The following KLKB1 variants were observed in gnomAD, a reference collection of about 807,000 sequenced individuals.
The protein encoded by KLKB1 is kallikrein B1.
Under a neutral mutation model 73.6 loss-of-function variants are expected in KLKB1, and 58 were observed. The ratio of observed to expected loss-of-function variants is 0.79; its 90% CI spans 0.64 to 0.98. KLKB1 has a LOEUF of 0.98. KLKB1 is among the 50% of genes least tolerant of loss of function. The pLI, the probability that KLKB1 is intolerant of heterozygous loss-of-function variation, is 0.00. For synonymous variants in KLKB1, 280 were observed against 258.1 expected (o/e 1.08, Z -0.81); for missense variants, 737 against 763.8 (o/e 0.96, Z 0.41).
At chr4:186,228,386 G>C (rs1912826) in intron 2 of KLKB1, 133 bp downstream of exon 2, 2 of 679,346 alleles carry the variant, frequency 2.9e-6, no homozygotes, top group African/African-American at 3.6e-5. Context: ...TTCAGGACAC[G>C]TGTCTATTTA....
At chr4:186,225,908 T>A (rs900052632), upstream of KLKB1, among the ~76,000 whole-genome samples, 2 of 152,200 alleles carry the variant, frequency 1.3e-5, no homozygotes, top group African/African-American at 4.8e-5. Context: ...CATATTAATT[T>A]TCTTAACAGT....
At chr4:186,229,655 T>C (rs1367934568) in intron 2 of KLKB1, among the ~76,000 whole-genome samples, 8 of 152,220 alleles carry the variant, frequency 5.3e-5, no homozygotes, top group Admixed American at 3.9e-4. Flanking sequence ...TACTCCATAG[T>C]TGACTTTTTC....
intron 6 of KLKB1, among the ~76,000 whole-genome samples, chr4:186,244,399 A>C (rs1399043061): frequency 1.3e-5 from 2 of 152,204 alleles, no homozygotes; most frequent in East Asian, 1.9e-4. Flanking sequence ...ATGTGTTTTC[A>C]TGAAGAATTA....
At chr4:186,241,957 G>A (rs1055188637) in intron 6 of KLKB1, among the ~76,000 whole-genome samples, 13 of 152,332 alleles carry the variant, frequency 8.5e-5, no homozygotes, top group South Asian at 4.1e-4. Context: ...TATATTTAAT[G>A]TCATGTGCGT....
chr4:186,255,693 C>A (rs1327421890), intron 12 of KLKB1, among the ~76,000 whole-genome samples: 2 of 152,164 alleles, frequency 1.3e-5, no homozygotes, highest in Non-Finnish European at 2.9e-5. Flanking sequence ...CCTGCTATGA[C>A]TATTAAGGAT....
At chr4:186,249,424 A>C (rs1171685074) in intron 6 of KLKB1, among the ~76,000 whole-genome samples, 1 of 152,188 alleles carries the variant, frequency 6.6e-6, no homozygotes, top group Non-Finnish European at 1.5e-5. Context: ...ATTGTCTATA[A>C]ATGTAAGAGT....
Position 186,254,707 on chromosome 4 carries a change from C to T in KLKB1, c.1433C>T (p.Ser478Leu). Reference protein sequence around the residue: ...EIIIHQNYKVSEGNHDIALIK... With the variant: ...EIIIHQNYKVLEGNHDIALIK... ...ATTATTCACCAAAACTATAAAGTCT[C>T]AGAAGGGAATCATGATATCGCCTTG... Residue 478 changes from serine (S) to leucine (L), a missense_variant, in exon 12 of 15, where the codon TCA becomes TTA. Coordinates refer to ENST00000264690, the MANE Select transcript of KLKB1 (RefSeq NM_000892.5). The T allele has an allele frequency of 6.2e-7, 1 of 1,613,824 alleles. No homozygotes were observed. Among genetic ancestry groups the T allele is most frequent in the Non-Finnish European group, 8.5e-7 (1 of 1,179,718 alleles).
In KLKB1 at chr4:186,251,219, A is replaced by T. The variant is rs1054571565; in HGVS notation, c.759A>T (p.Arg253Ser). The T allele has an allele frequency of 2.5e-6, 4 of 1,586,434 alleles. No homozygotes were observed. Among genetic ancestry groups the T allele is most frequent in the Non-Finnish European group, 3.5e-6 (4 of 1,156,396 alleles). The change falls in exon 8 of 15, where the codon AGA becomes AGT. Residue 253 changes from arginine to serine, a missense_variant and splice_region_variant. Physicochemically the swap from Arg to Ser is moderately radical, Grantham distance 110. Coordinates refer to ENST00000264690, the MANE Select transcript of KLKB1 (RefSeq NM_000892.5). Reference sequence around the variant, plus strand: ...TCTTGCTTTTTTTTAAAAAAAATAGAAATGTTTGTCTTCTTAAAACATCTG... The same window carrying T: ...TCTTGCTTTTTTTTAAAAAAAATAGTAATGTTTGTCTTCTTAAAACATCTG... ...YTNVWKIESQ[R>S]NVCLLKTSES...
Position 186,257,234 on chromosome 4 carries a change from C to CAA in KLKB1, c.1597_1598dup (p.Asn533LysfsTer7). 1 of 1,582,446 alleles carries CAA rather than the reference C, an allele frequency of 6.3e-7. No homozygotes were observed. The highest frequency in any genetic ancestry group is 8.6e-7 in the Non-Finnish European group (1 of 1,159,344). ...ATATTGGTTACTCACAGGTGAAATCCAAAATATTCTACAAAAGGTAAATAT... is the reference window on the plus strand; with the variant it reads ...ATATTGGTTACTCACAGGTGAAATCCAAAAAATATTCTACAAAAGGTAAATAT... On this transcript the variant is annotated frameshift_variant, in exon 14 of 15. Coordinates refer to ENST00000264690, the MANE Select transcript of KLKB1 (RefSeq NM_000892.5). LOFTEE classifies it high-confidence loss of function.
chr4:186,240,197 ATATTGT>A (rs899678771), intron 6 of KLKB1, among the ~76,000 whole-genome samples: 80 of 152,018 alleles, frequency 5.3e-4, no homozygotes, highest in African/African-American at 1.7e-3. Flanking sequence ...AGGTACAGTG[ATATTGT>A]TATAGTTATA....
chr4:186,232,245 A>C lies in KLKB1; in HGVS notation c.177A>C (p.Leu59=). 2 of 1,614,164 alleles carry C rather than the reference A, an allele frequency of 1.2e-6. No homozygotes were observed. Among genetic ancestry groups the C allele is most frequent in the Non-Finnish European group, 1.7e-6 (2 of 1,179,994 alleles). Reference sequence around the variant, plus strand: ...GCACATTCCACCCAAGGTGTTTGCTATTCAGTTTTCTTCCAGCAAGTTCAA... The same window carrying C: ...GCACATTCCACCCAAGGTGTTTGCTCTTCAGTTTTCTTCCAGCAAGTTCAA... ...MRCTFHPRCL[L]FSFLPASSIN... is the part of the protein sequence containing the mutation. Residue 59 remains leucine (L), a synonymous_variant, in exon 3 of 15, where the codon CTA becomes CTC. Transcript: ENST00000264690.
chr4:186,246,517 G>A (rs1738364147), intron 6 of KLKB1, among the ~76,000 whole-genome samples: 1 of 152,210 alleles, frequency 6.6e-6, no homozygotes, highest in African/African-American at 2.4e-5. Context: ...CTGGCTATTT[G>A]GAACCATTGT....
Position 186,256,999 on chromosome 4 carries a change from C to CTGTG in KLKB1, c.1586-205_1586-202dup, listed in dbSNP as rs921403950. ...TCTTCCTCTCTCTGTCTCTCTCTCT[C>CTGTG]TGTGTGTGTGTGTGTGTGTGTGTGT... On this transcript the variant is annotated intron_variant, in intron 13 of 14. Coordinates refer to ENST00000264690, the MANE Select transcript of KLKB1 (RefSeq NM_000892.5). Among the ~76,000 whole-genome samples, 68 of 57,036 alleles carry CTGTG rather than the reference C, an allele frequency of 1.2e-3. No individual in the cohort carries two copies. In the East Asian group the frequency reaches 0.055, roughly 46 times the overall value. The allele number at this position is 57,036 out of a possible 152,430, so 37.4% of individuals were successfully genotyped here.
intron 11 of KLKB1, among the ~76,000 whole-genome samples, chr4:186,253,584 A>C (rs1363155356): frequency 2.6e-5 from 4 of 152,100 alleles, no homozygotes; most frequent in Non-Finnish European, 2.9e-5. Flanking sequence ...AATAGACATA[A>C]AAGTGTAATG....
intron 6 of KLKB1, among the ~76,000 whole-genome samples, chr4:186,242,129 G>A (rs979322065): frequency 6.8e-6 from 1 of 147,480 alleles, no homozygotes. Context: ...GTCAAAGGGG[G>A]TTGTTCTCTG....
chr4:186,232,319 G>T (rs1165217849), intron 3 of KLKB1, 30 bp downstream of exon 3: 2 of 1,603,418 alleles, frequency 1.2e-6, no homozygotes, highest in Admixed American at 1.7e-5. Flanking sequence ...TATTGGAGAA[G>T]CTGTTTTTCA....
chr4:186,257,744 AGTGTGT>A lies in KLKB1; in HGVS notation c.1726-246_1726-241del, dbSNP rs67371055. On this transcript the variant is annotated intron_variant, in intron 14 of 14. Transcript: ENST00000264690. ...ACTTGGAGAACTTTAAGAAAGAGTG[AGTGTGT>A]GTGTGTGTGTGTGTGTGTGTGTGTG... Among the ~76,000 whole-genome samples, 919 of 147,190 alleles carry A rather than the reference AGTGTGT, an allele frequency of 6.2e-3. 4 individuals carry two copies. Among genetic ancestry groups the A allele is most frequent in the Middle Eastern group, 0.014 (4 of 290 alleles).
Position 186,248,393 on chromosome 4 carries a change from G to A in KLKB1, c.599-1850G>A, listed in dbSNP as rs564119873. ...TCCATGTCTGTGGACTTGACTCTTCGGGACATTTTACATAAATGGAATCAT... is the reference window on the plus strand; with the variant it reads ...TCCATGTCTGTGGACTTGACTCTTCAGGACATTTTACATAAATGGAATCAT... On this transcript the variant is annotated intron_variant, in intron 6 of 14. Transcript: ENST00000264690. Among the ~76,000 whole-genome samples, 572 of 152,066 alleles carry A rather than the reference G, an allele frequency of 3.8e-3. 2 individuals carry two copies. Among genetic ancestry groups the A allele is most frequent in the Non-Finnish European group, 6.6e-3 (448 of 67,968 alleles).
upstream of KLKB1, among the ~76,000 whole-genome samples, chr4:186,223,050 G>T (rs112045646): frequency 6.6e-6 from 1 of 152,042 alleles, no homozygotes; most frequent in Non-Finnish European, 1.5e-5. Flanking sequence ...TTACCCGTGC[G>T]CACATGCTCT....
Sources: allele counts gnomAD v4.1 joint callset (sites outside exome capture counted in the v4.1 genomes callset), GRCh38; gene constraint gnomAD v4.1.1; transcripts MANE v1.5; gene names NCBI Gene and HGNC (gene_info 2026-07-23, HGNC 2026-07-21).